The following C14orf39 variants were observed in gnomAD, a reference collection of about 807,000 sequenced individuals.
C14orf39 encodes the protein chromosome 14 open reading frame 39.
Under a neutral mutation model 85.6 loss-of-function variants are expected in C14orf39, and 66 were observed. The observed-to-expected ratio is 0.77, with a 90% CI of 0.63 to 0.95. The LOEUF (loss-of-function observed/expected upper bound fraction) is 0.95. C14orf39 is among the 40% of genes least tolerant of loss of function. The pLI, the probability that C14orf39 is intolerant of heterozygous loss-of-function variation, is 0.00. For synonymous variants in C14orf39, 242 were observed against 214.0 expected (o/e 1.13, Z -1.14); for missense variants, 735 against 663.9 (o/e 1.11, Z -1.18).
intron 17 of C14orf39, among the ~76,000 whole-genome samples, chr14:60,439,378 T>C (rs1025044236): frequency 2.0e-5 from 3 of 152,170 alleles, no homozygotes; most frequent in Non-Finnish European, 2.9e-5. Context: ...ATTAGGATGA[T>C]ATTGTAACAG....
chr14:60,501,195 T>C (rs1223022040), intron 1 of C14orf39, among the ~76,000 whole-genome samples: 3 of 149,934 alleles, frequency 2.0e-5, no homozygotes, highest in Non-Finnish European at 2.9e-5. Flanking sequence ...TAGTCCTAGA[T>C]ACTAAGAAGG....
At chr14:60,450,160 G>T (rs937118318) in intron 16 of C14orf39, among the ~76,000 whole-genome samples, 1 of 152,182 alleles carries the variant, frequency 6.6e-6, no homozygotes, top group Admixed American at 6.6e-5. Context: ...AAAGTAAAGG[G>T]CATTTTATCT....
At chr14:60,514,035 A>G (rs974717165) in intron 1 of C14orf39, among the ~76,000 whole-genome samples, 1 of 152,156 alleles carries the variant, frequency 6.6e-6, no homozygotes, top group Non-Finnish European at 1.5e-5. Context: ...AGATTTTTTT[A>G]AATGTTTATC....
chr14:60,509,182 C>T, intron 1 of C14orf39: 1 of 584,654 alleles, frequency 1.7e-6, no homozygotes, highest in Non-Finnish European at 3.0e-6. Context: ...CGTGCCTGAG[C>T]CGAGCCGAGC....
rs1188769380 is a variant in C14orf39 at position 60,442,146 on chromosome 14, C to T, written c.1504-15G>A. ...TGTTCATTAAACTGGAAAATAATTT[C>T]CATTAAATATTACTTGTGAAATCAG... On this transcript the variant is annotated splice_polypyrimidine_tract_variant and intron_variant, in intron 16 of 17. Transcript: ENST00000321731. 2.0e-6 allele frequency: 3 copies of T among 1,526,390 alleles called. No homozygotes were observed. The highest frequency in any genetic ancestry group is 2.7e-6 in the Non-Finnish European group (3 of 1,101,410). 94.6% of individuals were successfully genotyped at this position (1,526,390 alleles called of 1,614,324 possible).
At chr14:60,464,518 C>G (rs535342759) in intron 11 of C14orf39, among the ~76,000 whole-genome samples, 1 of 152,184 alleles carries the variant, frequency 6.6e-6, no homozygotes, top group South Asian at 2.1e-4. Flanking sequence ...CTGTCAAACT[C>G]TGCTTTACAT....
At chr14:60,450,077 G>A (rs1890962939) in intron 16 of C14orf39, among the ~76,000 whole-genome samples, 1 of 152,202 alleles carries the variant, frequency 6.6e-6, no homozygotes, top group Non-Finnish European at 1.5e-5. Context: ...GCTGGCTTCA[G>A]TTGTGACCCA....
rs370171051 is a variant in C14orf39 at position 60,484,695 on chromosome 14, T to A, written c.106+186A>T. 6.6e-6 allele frequency among the ~76,000 whole-genome samples: 1 copy of A among 152,218 alleles called. No individual in the cohort carries two copies. The highest frequency in any genetic ancestry group is 2.1e-4 in the South Asian group (1 of 4,832). On this transcript the variant is annotated intron_variant, in intron 3 of 17. Transcript: ENST00000321731. This position sits in a 1 kb window ranked among gnomAD's most constrained non-coding sequence, Gnocchi z 4.2. ...TAATTAAATGCTGAATATAGAAGTT[T>A]ATTATCAAACAACTATAGTTAAGTC...
In C14orf39 at chr14:60,470,779, T is replaced by A. The variant is rs139980340; in HGVS notation, c.554+638A>T. 2.6e-5 allele frequency among the ~76,000 whole-genome samples: 4 copies of A among 151,998 alleles called. No homozygotes were observed. In the East Asian group the frequency reaches 7.7e-4, roughly 29 times the overall value. The stretch of plus-strand genomic sequence containing the variant: ...GGTAGGATGTGGGGATAAAGAAGAC[T>A]TAGTACAAACAGTGGAGTTATAATC... On this transcript the variant is annotated intron_variant, in intron 7 of 17. Transcript: ENST00000321731.
upstream of C14orf39, among the ~76,000 whole-genome samples, chr14:60,489,187 T>C (rs1209849761): frequency 1.3e-5 from 2 of 152,234 alleles, no homozygotes; most frequent in Admixed American, 1.3e-4. Context: ...AAATCCAAAG[T>C]CATCTCCCAT....
intron 11 of C14orf39, among the ~76,000 whole-genome samples, chr14:60,464,256 T>G (rs1353788740): frequency 1.3e-5 from 2 of 152,170 alleles, no homozygotes; most frequent in African/African-American, 4.8e-5. Flanking sequence ...TAGATGAAGC[T>G]TGAGAAATAA....
chr14:60,471,378 T>C (rs1460941728), intron 7 of C14orf39, 39 bp downstream of exon 7: 3 of 1,394,672 alleles, frequency 2.2e-6, no homozygotes, highest in Non-Finnish European at 2.0e-6. Context: ...ATAATGCTTA[T>C]CTAATAAAAA....
At chr14:60,482,035 G>C (rs1415620861) in intron 4 of C14orf39, among the ~76,000 whole-genome samples, 5 of 152,072 alleles carry the variant, frequency 3.3e-5, no homozygotes, top group South Asian at 4.1e-4. Flanking sequence ...CATTTTTCTA[G>C]TACTTTCATA....
intron 1 of C14orf39, among the ~76,000 whole-genome samples, chr14:60,514,588 C>G (rs1893336081): frequency 6.6e-6 from 1 of 152,150 alleles, no homozygotes; most frequent in Non-Finnish European, 1.5e-5. Flanking sequence ...CCTCCTTTCC[C>G]TTCGCCAGTT....
At chr14:60,514,706 C>G (rs1269999717) in intron 1 of C14orf39, among the ~76,000 whole-genome samples, 1 of 152,212 alleles carries the variant, frequency 6.6e-6, no homozygotes, top group East Asian at 1.9e-4. Flanking sequence ...GCAAAGTCTT[C>G]CTTGACCTCG....
intron 1 of C14orf39, chr14:60,511,121 G>A (rs766404727): frequency 6.2e-7 from 1 of 1,612,824 alleles, no homozygotes; most frequent in Non-Finnish European, 8.5e-7. Flanking sequence ...TTCCGGGCGG[G>A]CACTACGGGC....
chr14:60,443,460 T>C (rs1335063056), intron 16 of C14orf39, among the ~76,000 whole-genome samples: 1 of 152,100 alleles, frequency 6.6e-6, no homozygotes, highest in African/African-American at 2.4e-5. Context: ...GGCTGCAGCC[T>C]GGCAGGGGGA....
intron 15 of C14orf39, among the ~76,000 whole-genome samples, chr14:60,456,643 T>C (rs113179424): frequency 6.6e-6 from 1 of 152,062 alleles, no homozygotes; most frequent in African/African-American, 2.4e-5. Context: ...ATTTATGCCA[T>C]CTTCAGCTAA....
In C14orf39 at chr14:60,456,975, C is replaced by T; in HGVS notation, c.1300G>A (p.Val434Met). 1 of 1,608,548 alleles carries T rather than the reference C, an allele frequency of 6.2e-7. No homozygotes were observed. The highest frequency in any genetic ancestry group is 8.5e-7 in the Non-Finnish European group (1 of 1,177,770). ...IPIFLGTPKA[V>M]KAPESLEKIK... ...TTCTCCAATGACTCAGGTGCTTTCA[C>T]AGCTTTGGGAGTTCCTAAAAATATA... Residue 434 changes from valine (V) to methionine (M), a missense_variant, in exon 15 of 18, where the codon GTG (valine) becomes ATG (methionine). Val to Met is a conservative substitution (Grantham distance 21). Coordinates refer to ENST00000321731, the MANE Select transcript of C14orf39 (RefSeq NM_174978.3).
Sources: gnomAD v4.1 joint callset for allele counts (sites outside exome capture counted in the v4.1 genomes callset) on GRCh38, gnomAD v4.1.1 for gene constraint, Gnocchi (gnomAD v3.1) non-coding constraint, MANE v1.5 for transcripts, NCBI Gene and HGNC (gene_info 2026-07-23, HGNC 2026-07-21) for gene names.